Variants in NEK1 observed in about 807,000 individuals in gnomAD.
NEK1 encodes the protein serine/threonine-protein kinase Nek1.
Under a neutral mutation model 182.1 loss-of-function variants are expected in NEK1, and 137 were observed. That is an observed-to-expected ratio of 0.75 (90% CI 0.65 to 0.87). The LOEUF is 0.87. NEK1 is among the 40% of genes least tolerant of loss of function. NEK1 has a pLI of 0.00. For synonymous variants in NEK1, 513 were observed against 492.2 expected, an observed-to-expected ratio of 1.04 and a Z score of -0.56; for missense variants, 1,391 against 1,494.4, an observed-to-expected ratio of 0.93 and a Z score of 1.14.
chr4:169,582,386 A>G (rs1766797577), intron 10 of NEK1, among the ~76,000 whole-genome samples: 1 of 152,166 alleles, frequency 6.6e-6, no homozygotes. Context: ...ACTGAAACCG[A>G]GACTGTTGTG....
chr4:169,569,485 T>TCCCTCTCTCCCTCTCC (rs1311494060), intron 12 of NEK1, among the ~76,000 whole-genome samples: 8 of 105,486 alleles, frequency 7.6e-5, no homozygotes, highest in African/African-American at 3.0e-4. Flanking sequence ...TCTCCCTCTC[T>TCCCTCTCTCCCTCTCC]CCCTCTCCCC....
chr4:169,427,829 T>A (rs2149393114), intron 29 of NEK1, among the ~76,000 whole-genome samples: 1 of 151,676 alleles, frequency 6.6e-6, no homozygotes, highest in East Asian at 1.9e-4. Flanking sequence ...ATATATATAT[T>A]TATTTTAAGA....
chr4:169,605,236 G>A (rs976561269), intron 2 of NEK1, among the ~76,000 whole-genome samples: 1 of 152,166 alleles, frequency 6.6e-6, no homozygotes, highest in Non-Finnish European at 1.5e-5. Context: ...TAAGACAGAA[G>A]CTCCAAAAGT....
chr4:169,461,256 G>A (rs912489781), intron 27 of NEK1, among the ~76,000 whole-genome samples: 2 of 152,014 alleles, frequency 1.3e-5, no homozygotes, highest in Non-Finnish European at 2.9e-5. Flanking sequence ...ATACTGCCTG[G>A]AATTTCATTC....
intron 31 of NEK1, among the ~76,000 whole-genome samples, chr4:169,410,632 C>G (rs1209101892): frequency 6.6e-6 from 1 of 152,134 alleles, no homozygotes; most frequent in African/African-American, 2.4e-5. Context: ...GGATTTAAAA[C>G]ATTAATTTAA....
At chr4:169,588,546 T>G in intron 8 of NEK1, 103 bp downstream of exon 8, 1 of 647,986 alleles carries the variant, frequency 1.5e-6, no homozygotes, top group Non-Finnish European at 2.7e-6. Flanking sequence ...TGTGTTTACA[T>G]GTATGTATTA....
intron 18 of NEK1, among the ~76,000 whole-genome samples, chr4:169,541,704 TACAAG>T (rs1451192596): frequency 6.6e-6 from 1 of 152,124 alleles, no homozygotes; most frequent in Non-Finnish European, 1.5e-5. Flanking sequence ...CACTAAACAG[TACAAG>T]ACAAAAGAAC....
intron 12 of NEK1, among the ~76,000 whole-genome samples, chr4:169,574,988 C>T (rs546211751): frequency 6.6e-5 from 10 of 152,186 alleles, no homozygotes; most frequent in East Asian, 5.8e-4. Context: ...AAAGTAATGG[C>T]GGTTTTGCTT....
chr4:169,512,837 A>C (rs1290360811), intron 19 of NEK1, among the ~76,000 whole-genome samples: 1 of 152,112 alleles, frequency 6.6e-6, no homozygotes, highest in Non-Finnish European at 1.5e-5. Context: ...TCCCACAATA[A>C]TATTGAAAAG....
chr4:169,474,312 TA>T (rs1357072964), intron 26 of NEK1, among the ~76,000 whole-genome samples: 1 of 152,196 alleles, frequency 6.6e-6, no homozygotes, highest in East Asian at 1.9e-4. Flanking sequence ...GAAAACCAAT[TA>T]GGTTTTAAAA....
intron 19 of NEK1, among the ~76,000 whole-genome samples, chr4:169,514,880 T>C (rs1230269586): frequency 6.6e-6 from 1 of 152,116 alleles, no homozygotes. Context: ...TTCTGCTTGA[T>C]TTGGGAATAT....
intron 26 of NEK1, among the ~76,000 whole-genome samples, chr4:169,467,988 A>G (rs187405763): frequency 2.6e-5 from 4 of 152,308 alleles, no homozygotes; most frequent in Admixed American, 2.6e-4. Flanking sequence ...CATACAGATT[A>G]AGAGGAAAAA....
intron 23 of NEK1, chr4:169,506,723 A>G (rs1753315598): frequency 6.5e-6 from 1 of 154,190 alleles, no homozygotes; most frequent in Non-Finnish European, 1.4e-5. Flanking sequence ...GTGAGCCGAG[A>G]TCGTGTCACT....
chr4:169,446,999 A>G (rs1414062421), intron 27 of NEK1, among the ~76,000 whole-genome samples: 2 of 101,552 alleles, frequency 2.0e-5, no homozygotes, highest in African/African-American at 7.1e-5. Flanking sequence ...ACGAGGAAGT[A>G]GAGAGACCGG....
intron 27 of NEK1, among the ~76,000 whole-genome samples, chr4:169,440,541 G>A (rs539346151): frequency 1.3e-3 from 197 of 152,304 alleles, no homozygotes; most frequent in Non-Finnish European, 2.2e-3. Context: ...AAAACAGCAA[G>A]TAGATAATAA....
At chr4:169,452,163 G>A (rs907285511) in intron 27 of NEK1, among the ~76,000 whole-genome samples, 3 of 152,152 alleles carry the variant, frequency 2.0e-5, no homozygotes, top group Non-Finnish European at 4.4e-5. Flanking sequence ...CTCTGAAATT[G>A]AGGCAATAAT....
At chr4:169,576,092 G>C (rs1444515105) in intron 12 of NEK1, among the ~76,000 whole-genome samples, 7 of 151,838 alleles carry the variant, frequency 4.6e-5, no homozygotes, top group Admixed American at 4.6e-4. Context: ...AGACTCCTGA[G>C]TAGCTGGGAC....
At chr4:169,571,792 G>A (rs1007070831) in intron 12 of NEK1, among the ~76,000 whole-genome samples, 3 of 152,042 alleles carry the variant, frequency 2.0e-5, no homozygotes, top group Non-Finnish European at 4.4e-5. Context: ...GCAGTGGCAT[G>A]ATCTCAGCTC....
intron 19 of NEK1, among the ~76,000 whole-genome samples, chr4:169,521,117 C>T (rs1381465951): frequency 1.2e-4 from 9 of 73,832 alleles, no homozygotes; most frequent in African/African-American, 4.7e-4. Flanking sequence ...TCGTTGCCGC[C>T]TTGCAGTTTG....
Sources: allele counts gnomAD v4.1 joint callset (sites outside exome capture counted in the v4.1 genomes callset), GRCh38; gene constraint gnomAD v4.1.1; transcripts MANE v1.5; gene names NCBI Gene and HGNC (gene_info 2026-07-23, HGNC 2026-07-21).